HIVEP2: variants seen among roughly 807,000 people sequenced by gnomAD.
HIVEP2 encodes the protein transcription factor HIVEP2.
HIVEP2 carries 14 observed loss-of-function variants against 180.7 expected under a neutral mutation model. The observed-to-expected ratio is 0.08, with a 90% CI of 0.05 to 0.12. The LOEUF (loss-of-function observed/expected upper bound fraction) is 0.12, where lower values mean the gene tolerates loss of function less well. Ranked by LOEUF, HIVEP2 falls within the 10% of genes least tolerant of loss-of-function variation. The pLI is 1.00. For synonymous variants in HIVEP2, 1,184 were observed against 1,136.4 expected (o/e 1.04, Z -0.84); for missense variants, 2,579 against 3,008.5 (o/e 0.86, Z 3.34).
At chr6:142,944,211 A>G (rs1364949508) in intron 1 of HIVEP2, among the ~76,000 whole-genome samples, 2 of 151,806 alleles carry the variant, frequency 1.3e-5, no homozygotes, top group African/African-American at 4.8e-5. Context: ...CCCTCACCCA[A>G]TTTGGGCTTG....
At chr6:142,816,258 G>A (rs1229640818) in intron 2 of HIVEP2, among the ~76,000 whole-genome samples, 1 of 152,190 alleles carries the variant, frequency 6.6e-6, no homozygotes, top group Admixed American at 6.5e-5. Flanking sequence ...GCAAGGGAAT[G>A]GTCATGCATC....
chr6:142,755,426 A>G lies in HIVEP2; in HGVS notation c.6517-1495T>C, dbSNP rs114063775. Among the ~76,000 whole-genome samples, 1,313 of 152,360 alleles carry G rather than the reference A, an allele frequency of 8.6e-3. 20 individuals carry two copies. Among genetic ancestry groups the G allele is most frequent in the African/African-American group, 0.03 (1,256 of 41,576 alleles). ...TTTGGGAGGAAGACCTGTAATGCCT[A>G]CAGTAACGATCTTTGAAGATAATCA... is the stretch of plus-strand genomic sequence containing the variant. On this transcript the variant is annotated intron_variant, in intron 9 of 9. Transcript: ENST00000367603.
Position 142,817,218 on chromosome 6 carries a change from T to G in HIVEP2, c.-528+19717A>C, listed in dbSNP as rs529949716. Among the ~76,000 whole-genome samples the G allele has an allele frequency of 5.9e-5, 9 of 152,344 alleles. No homozygotes were observed. The South Asian group carries it at 1.9e-3, about 32-fold the overall frequency. On this transcript the variant is annotated intron_variant, in intron 2 of 9. Transcript: ENST00000367603. The stretch of plus-strand genomic sequence containing the variant: ...AATAGTACCTTCTTAAAAAATTACT[T>G]GGTAATTAACCTGACTGAAAGCTCT...
rs117868943 is a variant in HIVEP2 at position 142,889,704 on chromosome 6, G to A, written c.-640-52657C>T. Among the ~76,000 whole-genome samples, 1,034 of 152,284 alleles carry A rather than the reference G, an allele frequency of 6.8e-3. 6 individuals are homozygous for A. Among genetic ancestry groups the A allele is most frequent in the Non-Finnish European group, 8.3e-3 (562 of 68,026 alleles). ...TCCTACAATAGCTGGCACCTATTGA[G>A]AAGGTGCTCAATAAATGGCAGCTAT... On this transcript the variant is annotated intron_variant, in intron 1 of 9. Transcript: ENST00000367603.
intron 1 of HIVEP2, among the ~76,000 whole-genome samples, chr6:142,887,023 T>C (rs1283489775): frequency 6.6e-6 from 1 of 152,202 alleles, no homozygotes; most frequent in Non-Finnish European, 1.5e-5. Flanking sequence ...TTAAAGAACC[T>C]AAATGGAAAT....
intron 2 of HIVEP2, among the ~76,000 whole-genome samples, chr6:142,806,188 A>C (rs1461253096): frequency 3.9e-5 from 6 of 152,218 alleles, no homozygotes; most frequent in Admixed American, 3.9e-4. Flanking sequence ...TTGGAGAAAT[A>C]GGATACAAAA....
At chr6:142,781,199 T>C (rs1284809274) in intron 3 of HIVEP2, among the ~76,000 whole-genome samples, 1 of 152,164 alleles carries the variant, frequency 6.6e-6, no homozygotes. Context: ...ATTTTTCAGA[T>C]TCTCTAATAT....
intron 9 of HIVEP2, among the ~76,000 whole-genome samples, chr6:142,759,454 A>G (rs577132121): frequency 6.6e-6 from 1 of 152,294 alleles, no homozygotes; most frequent in South Asian, 2.1e-4. Context: ...GGCATTCTAA[A>G]GGTTCATCTT....
At chr6:142,874,282 C>A (rs547188002) in intron 1 of HIVEP2, among the ~76,000 whole-genome samples, 2 of 152,104 alleles carry the variant, frequency 1.3e-5, no homozygotes, top group Non-Finnish European at 2.9e-5. Context: ...AGGTTGCTTA[C>A]AAATGTTTTC....
rs1775693078 is a variant in HIVEP2, at chr6:142,776,172, C to A, written c.-413G>T. On this transcript the variant is annotated 5_prime_UTR_variant, in exon 4 of 10. An upstream start codon of the reference 5' UTR is lost. Transcript: ENST00000367603. ...CTGAACAGTTTAGAGTTCTTATGGG[C>A]ATGATTGTCCTGACGCTTCCTGGAT... 2 of 152,542 alleles carry A rather than the reference C, an allele frequency of 1.3e-5. No individual in the cohort carries two copies. Among genetic ancestry groups the A allele is most frequent in the African/African-American group, 4.8e-5 (2 of 41,444 alleles). 9.4% of individuals were successfully genotyped at this position (152,542 alleles called of 1,614,324 possible). A position where few individuals can be genotyped will look rare whatever the true frequency, so the allele number is the denominator to read the frequency against.
intron 1 of HIVEP2, among the ~76,000 whole-genome samples, chr6:142,844,957 C>T (rs1489446653): frequency 6.6e-6 from 1 of 152,256 alleles, no homozygotes; most frequent in African/African-American, 2.4e-5. Context: ...CTACAAATCT[C>T]TTCCCCTTTC....
intron 1 of HIVEP2, among the ~76,000 whole-genome samples, chr6:142,889,322 G>C (rs974260616): frequency 2.6e-5 from 4 of 152,118 alleles, no homozygotes; most frequent in Non-Finnish European, 5.9e-5. Context: ...TATTAGCTGG[G>C]TGTGGTGGCA....
chr6:142,885,255 G>A (rs1776667136), intron 1 of HIVEP2, among the ~76,000 whole-genome samples: 1 of 152,126 alleles, frequency 6.6e-6, no homozygotes, highest in African/African-American at 2.4e-5. Flanking sequence ...CAGCCATGGA[G>A]GAGGGCTAAG....
chr6:142,888,198 CTGTTT>C (rs911894015), intron 1 of HIVEP2, among the ~76,000 whole-genome samples: 3 of 152,000 alleles, frequency 2.0e-5, no homozygotes, highest in African/African-American at 7.2e-5. Context: ...TGATGGGATT[CTGTTT>C]TGTTTTGTTT....
chr6:142,844,148 T>C lies in HIVEP2; in HGVS notation c.-640-7101A>G, dbSNP rs1232347791. On this transcript the variant is annotated intron_variant, in intron 1 of 9. Transcript: ENST00000367603. Reference sequence around the variant, plus strand: ...TCCAGAAACAGAATGAAATTATTAATGAATTATACCTTATGTGTTTTTTTT... The same window carrying C: ...TCCAGAAACAGAATGAAATTATTAACGAATTATACCTTATGTGTTTTTTTT... Among the ~76,000 whole-genome samples the C allele has an allele frequency of 2.6e-5, 4 of 152,204 alleles. No individual in the cohort carries two copies. In the South Asian group the frequency reaches 6.2e-4, roughly 24 times the overall value.
At chr6:142,885,391 C>T (rs1776671030) in intron 1 of HIVEP2, among the ~76,000 whole-genome samples, 1 of 151,924 alleles carries the variant, frequency 6.6e-6, no homozygotes, top group South Asian at 2.1e-4. Context: ...CACTCTGCTA[C>T]CTGCCTTGAG....
chr6:142,842,623 G>A (rs1775396879), intron 1 of HIVEP2, among the ~76,000 whole-genome samples: 2 of 152,138 alleles, frequency 1.3e-5, no homozygotes, highest in Non-Finnish European at 1.5e-5. Flanking sequence ...GAAGAACCAC[G>A]TAGAAAATGT....
At chr6:142,824,230 T>G (rs1278047214) in intron 2 of HIVEP2, among the ~76,000 whole-genome samples, 2 of 152,324 alleles carry the variant, frequency 1.3e-5, no homozygotes, top group East Asian at 3.9e-4. Flanking sequence ...GTCAGTCTGT[T>G]TAAATTTTAA....
chr6:142,775,164 T>C, intron 4 of HIVEP2, 39 bp from the exon 5 acceptor site: 5 of 747,790 alleles, frequency 6.7e-6, no homozygotes, highest in Non-Finnish European at 7.9e-6. Context: ...GTCATAACAG[T>C]TTCAAATAAG....
Sources: gnomAD v4.1 joint callset for allele counts (sites outside exome capture counted in the v4.1 genomes callset) on GRCh38, gnomAD v4.1.1 for gene constraint, MANE v1.5 for transcripts, NCBI Gene and HGNC (gene_info 2026-07-23, HGNC 2026-07-21) for gene names.